Variants in HSPB8 observed in about 807,000 individuals in gnomAD.
The protein encoded by HSPB8 is heat shock protein family B (small) member 8.
HSPB8 carries 9 observed loss-of-function variants against 16.5 expected under a neutral mutation model. That is an observed-to-expected ratio of 0.55 (90% CI 0.33 to 0.95). The LOEUF (loss-of-function observed/expected upper bound fraction) is 0.95. Ranked by LOEUF, HSPB8 falls within the 40% of genes least tolerant of loss-of-function variation. HSPB8 has a pLI of 0.03. For missense variants in HSPB8, 238 were observed against 251.2 expected (o/e 0.95, Z 0.35); for synonymous variants, 99 against 94.8 (o/e 1.04, Z -0.26).
At chr12:119,191,563 C>T (rs1954712170) in intron 2 of HSPB8, among the ~76,000 whole-genome samples, 1 of 149,196 alleles carries the variant, frequency 6.7e-6, no homozygotes, top group Admixed American at 6.8e-5. Context: ...CATGTGGCTA[C>T]AGGTTGTTGT....
In HSPB8 at chr12:119,179,029, G is replaced by A; in HGVS notation, c.-284G>A. On this transcript the variant is annotated 5_prime_UTR_variant, in exon 1 of 3. Coordinates refer to ENST00000281938, the MANE Select transcript of HSPB8 (RefSeq NM_014365.3). Reference sequence around the variant, plus strand: ...GCTGCCAGCCTGGGCAGCCTGGGAAGCCTGGGAGGACGGTGGCTTGCCGGT... The same window carrying A: ...GCTGCCAGCCTGGGCAGCCTGGGAAACCTGGGAGGACGGTGGCTTGCCGGT... 1.9e-6 allele frequency: 1 copy of A among 520,186 alleles called. No homozygotes were observed. Among genetic ancestry groups the A allele is most frequent in the East Asian group, 3.6e-5 (1 of 28,140 alleles). 32.2% of individuals were successfully genotyped at this position (520,186 alleles called of 1,614,324 possible). A position where few individuals can be genotyped will look rare whatever the true frequency, so the allele number is the denominator to read the frequency against.
At position 119,179,616 on chromosome 12, in the gene HSPB8, G is replaced by A. The variant is rs1288196735; in HGVS notation, c.304G>A (p.Val102Met). 6.2e-7 allele frequency: 1 copy of A among 1,604,874 alleles called. No individual in the cohort carries two copies. Among genetic ancestry groups the A allele is most frequent in the South Asian group, 1.1e-5 (1 of 90,092 alleles). The change falls in exon 1 of 3, where the codon GTG (valine) becomes ATG (methionine). Residue 102 changes from valine to methionine, a missense_variant. By Grantham distance (21) the Val-to-Met change is conservative. Coordinates refer to ENST00000281938, the MANE Select transcript of HSPB8 (RefSeq NM_014365.3). ...PGEPWKVCVN[V>M]HSFKPEELMV... ...GGAGCCCTGGAAAGTGTGTGTGAATGTGCACAGCTTCAAGCCAGAGGAGTT... is the reference window on the plus strand; with the variant it reads ...GGAGCCCTGGAAAGTGTGTGTGAATATGCACAGCTTCAAGCCAGAGGAGTT...
chr12:119,193,195 C>T (rs117999079), intron 2 of HSPB8, among the ~76,000 whole-genome samples: 1,609 of 152,270 alleles, frequency 0.011, 15 homozygotes, highest in Non-Finnish European at 0.017. Flanking sequence ...CTTGCATCAC[C>T]ATTAATGCAT....
At chr12:119,187,147 A>C (rs1954681714) in intron 2 of HSPB8, 59 bp downstream of exon 2, 3 of 1,381,218 alleles carry the variant, frequency 2.2e-6, no homozygotes, top group Non-Finnish European at 1.0e-6. Flanking sequence ...CACACCTGGG[A>C]CCCATGATCT....
intron 2 of HSPB8, among the ~76,000 whole-genome samples, chr12:119,192,140 T>C (rs1223996745): frequency 6.6e-6 from 1 of 152,200 alleles, no homozygotes; most frequent in Non-Finnish European, 1.5e-5. Context: ...AATAGTCTCA[T>C]TCACCCAAAG....
At chr12:119,188,200 C>G (rs1954688705) in intron 2 of HSPB8, among the ~76,000 whole-genome samples, 1 of 151,918 alleles carries the variant, frequency 6.6e-6, no homozygotes, top group African/African-American at 2.4e-5. Context: ...CAGCGTCACT[C>G]CACTATGTGC....
chr12:119,186,022 C>T (rs1954673686), intron 1 of HSPB8, among the ~76,000 whole-genome samples: 1 of 152,028 alleles, frequency 6.6e-6, no homozygotes, highest in Non-Finnish European at 1.5e-5. Context: ...GCCGAATGGC[C>T]CCACTGTTGT....
chr12:119,181,248 C>T (rs767112150), intron 1 of HSPB8, among the ~76,000 whole-genome samples: 3 of 152,068 alleles, frequency 2.0e-5, no homozygotes, highest in East Asian at 1.9e-4. Context: ...TGTCACATGC[C>T]CAAGGTGGTC....
At chr12:119,188,247 CTTTTT>C (rs757724355) in intron 2 of HSPB8, among the ~76,000 whole-genome samples, 1 of 87,578 alleles carries the variant, frequency 1.1e-5, no homozygotes. Context: ...CTCTCTCTCT[CTTTTT>C]TTTTTTTTTT....
intron 1 of HSPB8, among the ~76,000 whole-genome samples, chr12:119,183,985 C>G (rs1954656011): frequency 6.6e-6 from 1 of 152,328 alleles, no homozygotes; most frequent in Non-Finnish European, 1.5e-5. Flanking sequence ...TCATTTGCTT[C>G]CTACGGTAAC....
At chr12:119,193,274 T>C (rs776844037) in intron 2 of HSPB8, among the ~76,000 whole-genome samples, 1 of 152,210 alleles carries the variant, frequency 6.6e-6, no homozygotes, top group Non-Finnish European at 1.5e-5. Flanking sequence ...GATAACACCT[T>C]ACTTGCGCTC....
intron 1 of HSPB8, among the ~76,000 whole-genome samples, chr12:119,181,882 C>T (rs1954640123): frequency 1.3e-5 from 2 of 151,996 alleles, no homozygotes; most frequent in African/African-American, 4.8e-5. Context: ...TGCGGAGTGT[C>T]TATAAAATGG....
At chr12:119,193,190 A>G (rs1419206391) in intron 2 of HSPB8, among the ~76,000 whole-genome samples, 1 of 152,198 alleles carries the variant, frequency 6.6e-6, no homozygotes, top group Non-Finnish European at 1.5e-5. Flanking sequence ...TAGTGCTTGC[A>G]TCACCATTAA....
At chr12:119,181,021 CA>C (rs1458422741) in intron 1 of HSPB8, among the ~76,000 whole-genome samples, 1 of 152,172 alleles carries the variant, frequency 6.6e-6, no homozygotes, top group Non-Finnish European at 1.5e-5. Context: ...GCAGGATGTG[CA>C]AATTACTTCA....
intron 1 of HSPB8, among the ~76,000 whole-genome samples, chr12:119,180,582 G>C (rs1399501535): frequency 2.0e-5 from 3 of 152,100 alleles, no homozygotes; most frequent in Non-Finnish European, 1.5e-5. Context: ...GTAGGGACTG[G>C]GCCTATGCAC....
At chr12:119,187,125 TG>T (rs767095294) in intron 2 of HSPB8, 37 bp downstream of exon 2, 2 of 1,555,680 alleles carry the variant, frequency 1.3e-6, no homozygotes, top group Non-Finnish European at 1.8e-6. Context: ...AGGGTGGGAG[TG>T]GAGGAGGGGG....
Position 119,193,895 on chromosome 12 carries a change from C to A in HSPB8, c.*37C>A, listed in dbSNP as rs1249264476. 2 of 1,606,764 alleles carry A rather than the reference C, an allele frequency of 1.2e-6. No homozygotes were observed. Among genetic ancestry groups the A allele is most frequent in the Non-Finnish European group, 1.7e-6 (2 of 1,173,736 alleles). On this transcript the variant is annotated 3_prime_UTR_variant, in exon 3 of 3. Coordinates refer to ENST00000281938, the MANE Select transcript of HSPB8 (RefSeq NM_014365.3). ...TGGCCCATCCTTGTTTTGTCCCCAA[C>A]CCTAGGGCTTCTCTGATTCCAGGAT...
rs117247157 is a variant in HSPB8 at position 119,193,560 on chromosome 12, G to A, written c.432-139G>A. 8,248 of 854,086 alleles carry A rather than the reference G, an allele frequency of 9.7e-3. 66 individuals are homozygous for A. Among genetic ancestry groups the A allele is most frequent in the Middle Eastern group, 0.025 (81 of 3,254 alleles). 52.9% of individuals were successfully genotyped at this position (854,086 alleles called of 1,614,324 possible). A position where few individuals can be genotyped will look rare whatever the true frequency, so the allele number is the denominator to read the frequency against. Reference sequence around the variant, plus strand: ...CCCAAGACCACACAGCTAGAAAGGGGTAGAGCCAGGATTCAAACCCAACAT... The same window carrying A: ...CCCAAGACCACACAGCTAGAAAGGGATAGAGCCAGGATTCAAACCCAACAT... On this transcript the variant is annotated intron_variant, in intron 2 of 2. Coordinates refer to ENST00000281938, the MANE Select transcript of HSPB8 (RefSeq NM_014365.3).
chr12:119,186,779 A>C (rs1159832019), intron 1 of HSPB8: 1 of 523,472 alleles, frequency 1.9e-6, no homozygotes, highest in East Asian at 3.4e-5. Context: ...AATTAACTAC[A>C]AACCACGGTC....
Sources: allele counts gnomAD v4.1 joint callset (sites outside exome capture counted in the v4.1 genomes callset), GRCh38; gene constraint gnomAD v4.1.1; transcripts MANE v1.5; gene names NCBI Gene and HGNC (gene_info 2026-07-23, HGNC 2026-07-21).